Variants in FSTL4 observed in about 807,000 individuals in gnomAD.
FSTL4 encodes follistatin like 4.
In FSTL4, 28 loss-of-function variants were observed where a neutral mutation model predicts 78.2. The ratio of observed to expected loss-of-function variants is 0.36; its 90% CI spans 0.27 to 0.49. FSTL4 has a LOEUF of 0.49. FSTL4 is among the 20% of genes least tolerant of loss of function. FSTL4 has a pLI of 0.98. For synonymous variants in FSTL4, 422 were observed against 440.5 expected (o/e 0.96, Z 0.53); for missense variants, 922 against 1,084.9 (o/e 0.85, Z 2.11).
intron 4 of FSTL4, among the ~76,000 whole-genome samples, chr5:133,324,277 G>A (rs1318755466): frequency 6.6e-6 from 1 of 152,192 alleles, no homozygotes; most frequent in Admixed American, 6.5e-5. Context: ...GTTGTGTAAT[G>A]TGGGCAATGT....
the FSTL4 span, among the ~76,000 whole-genome samples, chr5:133,622,055 C>T: frequency 6.6e-6 from 1 of 152,178 alleles, no homozygotes; most frequent in South Asian, 2.1e-4. Flanking sequence ...CTCTCTCCCT[C>T]CCCCCTTATC....
chr5:133,520,606 T>C (rs1057027136), intron 3 of FSTL4, among the ~76,000 whole-genome samples: 7 of 152,062 alleles, frequency 4.6e-5, no homozygotes, highest in African/African-American at 1.7e-4. Flanking sequence ...TGTCAGCAAG[T>C]GTAATCTTTG....
At chr5:133,251,930 A>G (rs1466677561) in intron 6 of FSTL4, among the ~76,000 whole-genome samples, 1 of 152,142 alleles carries the variant, frequency 6.6e-6, no homozygotes, top group Non-Finnish European at 1.5e-5. Flanking sequence ...AGCCCAGATC[A>G]TGAGCACACC....
rs756749293 is a variant in FSTL4, at chr5:133,380,069, A to T, written c.409+20669T>A. 2.6e-3 allele frequency among the ~76,000 whole-genome samples: 396 copies of T among 149,480 alleles called. 2 individuals carry two copies. Among genetic ancestry groups the T allele is most frequent in the East Asian group, 2.3e-3 (12 of 5,188 alleles). On this transcript the variant is annotated intron_variant, in intron 4 of 15. Coordinates refer to ENST00000265342, the MANE Select transcript of FSTL4 (RefSeq NM_015082.2). ...CAGAGTGAGACTCTATCTCAAAAAA[A>T]AAAATAAAATAAAATAAAACAAATT...
At chr5:133,773,305 T>C in the FSTL4 span, among the ~76,000 whole-genome samples, 4 of 151,350 alleles carry the variant, frequency 2.6e-5, no homozygotes, top group Non-Finnish European at 5.9e-5. Flanking sequence ...GCTCAGCCAC[T>C]GTCTTGATTT....
chr5:133,552,765 T>C (rs1561466747), intron 3 of FSTL4, among the ~76,000 whole-genome samples: 1 of 152,142 alleles, frequency 6.6e-6, no homozygotes, highest in Non-Finnish European at 1.5e-5. Flanking sequence ...CAGACAGGCT[T>C]GGTGAGTTTC....
chr5:133,207,121 T>G (rs1414635507), intron 14 of FSTL4, among the ~76,000 whole-genome samples: 10 of 152,022 alleles, frequency 6.6e-5, no homozygotes, highest in African/African-American at 2.4e-4. Flanking sequence ...TAAAAAATTC[T>G]ATTTGACTGA....
chr5:133,418,429 G>A (rs964156060), intron 3 of FSTL4, among the ~76,000 whole-genome samples: 2 of 151,756 alleles, frequency 1.3e-5, no homozygotes, highest in African/African-American at 2.4e-5. Context: ...ATATATCTAA[G>A]ATGTGGATTC....
chr5:133,688,744 G>A, the FSTL4 span, among the ~76,000 whole-genome samples: 6 of 152,316 alleles, frequency 3.9e-5, no homozygotes, highest in African/African-American at 1.4e-4. Context: ...ACATGTGACT[G>A]ATGGGAAATA....
the FSTL4 span, among the ~76,000 whole-genome samples, chr5:133,760,344 C>T: frequency 1.3e-5 from 2 of 152,228 alleles, no homozygotes; most frequent in Non-Finnish European, 2.9e-5. Context: ...AGAACCTCTA[C>T]TTTCTAGGAG....
the FSTL4 span, among the ~76,000 whole-genome samples, chr5:133,780,904 A>G: frequency 6.6e-6 from 1 of 152,172 alleles, no homozygotes; most frequent in East Asian, 1.9e-4. Flanking sequence ...CAAGGTGGCG[A>G]TCATTATCCT....
chr5:133,562,205 C>CA (rs1759929139), intron 3 of FSTL4, among the ~76,000 whole-genome samples: 1 of 152,170 alleles, frequency 6.6e-6, no homozygotes, highest in South Asian at 2.1e-4. Context: ...GAAGTTACCC[C>CA]AAAATAACCT....
the FSTL4 span, among the ~76,000 whole-genome samples, chr5:133,657,034 A>G: frequency 6.6e-6 from 1 of 152,044 alleles, no homozygotes; most frequent in Non-Finnish European, 1.5e-5. Flanking sequence ...ATGAGAGGAG[A>G]TTCAAGTTCA....
At chr5:133,339,370 G>C (rs1381969160) in intron 4 of FSTL4, among the ~76,000 whole-genome samples, 1 of 152,124 alleles carries the variant, frequency 6.6e-6, no homozygotes, top group Non-Finnish European at 1.5e-5. Context: ...GGGAGGGAGG[G>C]GTGGAGGGCT....
At chr5:133,734,155 T>C in the FSTL4 span, among the ~76,000 whole-genome samples, 1 of 152,184 alleles carries the variant, frequency 6.6e-6, no homozygotes, top group South Asian at 2.1e-4. Context: ...GGAGTCTCCA[T>C]CCTCTGAAGG....
At chr5:133,268,565 C>A (rs1220275246) in intron 6 of FSTL4, among the ~76,000 whole-genome samples, 1 of 152,170 alleles carries the variant, frequency 6.6e-6, no homozygotes, top group African/African-American at 2.4e-5. Context: ...GTCTTGGTAG[C>A]CCGGCTTCTG....
chr5:133,575,476 T>C (rs943087507), intron 2 of FSTL4, among the ~76,000 whole-genome samples: 2 of 152,220 alleles, frequency 1.3e-5, no homozygotes, highest in African/African-American at 4.8e-5. Context: ...TAGCATGGTG[T>C]CCAGCACACA....
At chr5:133,263,714 G>A (rs1373751845) in intron 6 of FSTL4, among the ~76,000 whole-genome samples, 1 of 152,202 alleles carries the variant, frequency 6.6e-6, no homozygotes, top group Non-Finnish European at 1.5e-5. Flanking sequence ...TAGACAGAAG[G>A]TCAAGGATAT....
chr5:133,541,510 C>T (rs893903920), intron 3 of FSTL4, among the ~76,000 whole-genome samples: 3 of 152,068 alleles, frequency 2.0e-5, no homozygotes, highest in Admixed American at 1.3e-4. Flanking sequence ...AGGTTCAAGA[C>T]GAGGGGACAT....
Sources: allele counts gnomAD v4.1 joint callset (sites outside exome capture counted in the v4.1 genomes callset), GRCh38; gene constraint gnomAD v4.1.1; transcripts MANE v1.5; gene names NCBI Gene and HGNC (gene_info 2026-07-23, HGNC 2026-07-21).